The following EPHA6 variants were observed in gnomAD, a reference collection of about 807,000 sequenced individuals.
EPHA6 encodes the protein EPH receptor A6.
In EPHA6, 50 loss-of-function variants were observed where a neutral mutation model predicts 112.0. The observed-to-expected ratio is 0.45, with a 90% confidence interval of 0.36 to 0.56. EPHA6 has a LOEUF of 0.56. Ranked by LOEUF, EPHA6 falls within the 20% of genes least tolerant of loss-of-function variation. The pLI, the probability that EPHA6 is intolerant of heterozygous loss-of-function variation, is 0.00. For synonymous variants in EPHA6, 529 were observed against 490.7 expected (o/e 1.08, Z -1.03); for missense variants, 1,280 against 1,417.4 (o/e 0.90, Z 1.56).
intron 11 of EPHA6, among the ~76,000 whole-genome samples, chr3:97,532,745 A>C (rs1339530123): frequency 6.6e-6 from 1 of 152,054 alleles, no homozygotes; most frequent in African/African-American, 2.4e-5. Context: ...ACATGGTATT[A>C]CCTGCAAATC....
At chr3:96,988,932 A>C (rs1290981820) in intron 3 of EPHA6, among the ~76,000 whole-genome samples, 1 of 152,112 alleles carries the variant, frequency 6.6e-6, no homozygotes, top group Non-Finnish European at 1.5e-5. Flanking sequence ...ACATTCAAAA[A>C]TTTTATATAC....
intron 3 of EPHA6, among the ~76,000 whole-genome samples, chr3:97,159,281 C>T (rs2076359387): frequency 6.6e-6 from 1 of 152,068 alleles, no homozygotes; most frequent in Admixed American, 6.6e-5. Flanking sequence ...AGCACAGTAA[C>T]TCACTTATTT....
At chr3:97,578,570 A>G (rs1397111628) in intron 11 of EPHA6, among the ~76,000 whole-genome samples, 1 of 152,190 alleles carries the variant, frequency 6.6e-6, no homozygotes, top group Non-Finnish European at 1.5e-5. Context: ...GGCCACTGTC[A>G]GTCTCTGCCA....
Position 97,041,299 on chromosome 3 carries a change from A to T in EPHA6, c.1114+53306A>T, listed in dbSNP as rs78173252. Among the ~76,000 whole-genome samples, 27 of 152,114 alleles carry T rather than the reference A, an allele frequency of 1.8e-4. 1 individual carries two copies. The East Asian group carries it at 5.2e-3, about 29-fold the overall frequency. ...CCATTTATTTATCCCTTGAAATCAG[A>T]TATCTTTCCTGGTTTTGCCAGTCCT... On this transcript the variant is annotated intron_variant, in intron 3 of 17. Coordinates refer to ENST00000389672, the MANE Select transcript of EPHA6 (RefSeq NM_001080448.3).
chr3:97,299,118 C>T (rs544876439), intron 5 of EPHA6, among the ~76,000 whole-genome samples: 14 of 151,710 alleles, frequency 9.2e-5, no homozygotes, highest in Admixed American at 2.6e-4. Context: ...ATATAGTCTA[C>T]CAAACTTCAG....
intron 12 of EPHA6, among the ~76,000 whole-genome samples, chr3:97,594,793 C>T (rs2093573408): frequency 6.6e-6 from 1 of 152,178 alleles, no homozygotes; most frequent in African/African-American, 2.4e-5. Flanking sequence ...AATTTGAGGG[C>T]AGCAAGTGTT....
At chr3:96,913,213 C>CACAA in intron 2 of EPHA6, among the ~76,000 whole-genome samples, 1 of 111,812 alleles carries the variant, frequency 8.9e-6, no homozygotes, top group South Asian at 3.4e-4. Flanking sequence ...CACACACACA[C>CACAA]CACACACACG....
chr3:97,657,438 C>A (rs2094143800), intron 14 of EPHA6, among the ~76,000 whole-genome samples: 1 of 151,716 alleles, frequency 6.6e-6, no homozygotes, highest in Non-Finnish European at 1.5e-5. Context: ...ATTTCAGTAG[C>A]CCAATATGGA....
intron 5 of EPHA6, among the ~76,000 whole-genome samples, chr3:97,398,674 T>A (rs1199303682): frequency 6.6e-6 from 1 of 151,506 alleles, no homozygotes; most frequent in Non-Finnish European, 1.5e-5. Flanking sequence ...TTTGAATCAC[T>A]AAATTGTGTT....
At chr3:97,484,402 TAA>T (rs1560057655) in intron 10 of EPHA6, among the ~76,000 whole-genome samples, 1 of 152,204 alleles carries the variant, frequency 6.6e-6, no homozygotes, top group Non-Finnish European at 1.5e-5. Flanking sequence ...TAATAGTATT[TAA>T]AATGATGACC....
At chr3:96,984,066 C>T (rs2042921507) in intron 2 of EPHA6, among the ~76,000 whole-genome samples, 1 of 152,206 alleles carries the variant, frequency 6.6e-6, no homozygotes, top group Non-Finnish European at 1.5e-5. Context: ...CAACGTCATT[C>T]TCCGTCCAGC....
chr3:96,842,548 G>A (rs1386329020), intron 1 of EPHA6, among the ~76,000 whole-genome samples: 1 of 151,862 alleles, frequency 6.6e-6, no homozygotes, highest in Non-Finnish European at 1.5e-5. Flanking sequence ...TTATAAACAG[G>A]CTCAGATTGA....
chr3:96,842,168 G>A lies in EPHA6; in HGVS notation c.386-24657G>A, dbSNP rs376499298. Among the ~76,000 whole-genome samples the A allele has an allele frequency of 6.6e-5, 10 of 152,004 alleles. No individual in the cohort carries two copies. In the East Asian group the frequency reaches 1.4e-3, roughly 21 times the overall value. Reference sequence around the variant, plus strand: ...AGAGCAGTACTCTAGGTCTGAGTTCGCCGGTATGAAAATGTCATATCTGAA... The same window carrying A: ...AGAGCAGTACTCTAGGTCTGAGTTCACCGGTATGAAAATGTCATATCTGAA... On this transcript the variant is annotated intron_variant, in intron 1 of 17. Transcript: ENST00000389672.
intron 3 of EPHA6, among the ~76,000 whole-genome samples, chr3:97,087,696 A>G (rs1052908077): frequency 6.6e-6 from 1 of 152,168 alleles, no homozygotes; most frequent in African/African-American, 2.4e-5. Context: ...TGTCTTCTGA[A>G]ATGACAGTAG....
chr3:97,168,352 G>A (rs2076592181), intron 3 of EPHA6, among the ~76,000 whole-genome samples: 1 of 152,010 alleles, frequency 6.6e-6, no homozygotes, highest in Non-Finnish European at 1.5e-5. Flanking sequence ...CCCAATTTTG[G>A]AGGTGGGGCC....
rs758493908 is a variant in EPHA6, at chr3:97,638,053, G to A, written c.2755G>A (p.Asp919Asn). ...TTTTGGTCTCTCCAGAGTGCTGGAA[G>A]ATGATCCAGAAGCTGCTTATACAAC... The part of the protein sequence containing the change: ...SDFGLSRVLE[D>N]DPEAAYTTTG... Residue 919 changes from aspartate to asparagine, a missense_variant, in exon 14 of 18, where the codon GAT becomes AAT. Around this residue, in one of 4 missense-constraint regions of EPHA6, gnomAD observed 878 missense variants for 999.7 expected, o/e 0.88. Transcript: ENST00000389672. 6.2e-7 allele frequency: 1 copy of A among 1,613,800 alleles called. No homozygotes were observed. Among genetic ancestry groups the A allele is most frequent in the South Asian group, 1.1e-5 (1 of 91,080 alleles).
At chr3:97,633,250 G>A (rs2093918670) in intron 13 of EPHA6, among the ~76,000 whole-genome samples, 1 of 151,778 alleles carries the variant, frequency 6.6e-6, no homozygotes, top group South Asian at 2.1e-4. Context: ...CAGTTAGAGG[G>A]TAAAATCCAT....
intron 14 of EPHA6, among the ~76,000 whole-genome samples, chr3:97,674,501 C>T (rs1214730782): frequency 6.6e-6 from 1 of 152,106 alleles, no homozygotes; most frequent in African/African-American, 2.4e-5. Context: ...CCTTTTCAGA[C>T]TAAAGGAGAT....
intron 3 of EPHA6, among the ~76,000 whole-genome samples, chr3:97,224,852 A>C (rs544484207): frequency 6.6e-6 from 1 of 152,230 alleles, no homozygotes; most frequent in South Asian, 2.1e-4. Context: ...CTAGTATGTT[A>C]GAATTTTAAA....
Sources: allele counts gnomAD v4.1 joint callset (sites outside exome capture counted in the v4.1 genomes callset), GRCh38; gene constraint gnomAD v4.1.1; regional missense constraint gnomAD v4.1.1; transcripts MANE v1.5; gene names NCBI Gene and HGNC (gene_info 2026-07-23, HGNC 2026-07-21).